The following HMCN2 variants were observed in gnomAD, a reference collection of about 807,000 sequenced individuals.
The protein encoded by HMCN2 is hemicentin-2.
A neutral mutation model predicts 377.5 loss-of-function variants in HMCN2; 325 were observed. The ratio of observed to expected loss-of-function variants is 0.86; its 90% CI spans 0.79 to 0.94. The LOEUF (loss-of-function observed/expected upper bound fraction) is 0.94. Ranked by LOEUF, HMCN2 falls within the 40% of genes least tolerant of loss-of-function variation. The probability of loss-of-function intolerance (pLI) is 0.00; values close to 1 mark genes in which losing one functional copy is unlikely to be tolerated. For synonymous variants in HMCN2, 2,007 were observed against 2,046.8 expected, an observed-to-expected ratio of 0.98 and a Z score of 0.53; for missense variants, 4,543 against 4,725.3, an observed-to-expected ratio of 0.96 and a Z score of 1.13.
chr9:130,376,455 T>A, intron 51 of HMCN2, 61 bp from the exon 52 acceptor site: 1 of 816,212 alleles, frequency 1.2e-6, no homozygotes, highest in Non-Finnish European at 1.5e-6. Flanking sequence ...AGGACCAGGG[T>A]AAGCTCAGGG....
rs538836435 is a variant in HMCN2, at chr9:130,304,622, G to C, written c.1544-108G>C. 2 of 373,368 alleles carry C rather than the reference G, an allele frequency of 5.4e-6. No individual in the cohort carries two copies. The highest frequency in any genetic ancestry group is 1.1e-5 in the Non-Finnish European group (2 of 182,264). 23.1% of individuals were successfully genotyped at this position (373,368 alleles called of 1,614,324 possible). On this transcript the variant is annotated intron_variant, in intron 10 of 97. Coordinates refer to ENST00000683500, the MANE Select transcript of HMCN2 (RefSeq NM_001291815.2). This position sits in a 1 kb window ranked among gnomAD's most constrained non-coding sequence, Gnocchi z 4.3. ...TGACATGTCCTGAATGATCTGGTTC[G>C]GGTGGGCCTGCACCTCAGGGTGGGG...
chr9:130,430,920 A>C (rs1844704727), intron 95 of HMCN2: 1 of 384,016 alleles, frequency 2.6e-6, no homozygotes, highest in African/African-American at 2.0e-5. Context: ...CTTAGCACTC[A>C]GAGGGAAAGC....
chr9:130,433,455 C>CCCGCCTCA lies in HMCN2; in HGVS notation c.15009_15016dup (p.Phe5006SerfsTer89). On this transcript the variant is annotated frameshift_variant, in exon 98 of 98. Coordinates refer to ENST00000683500, the MANE Select transcript of HMCN2 (RefSeq NM_001291815.2). LOFTEE classifies it high-confidence loss of function. ...GGCGTGCGCGCCCACCACGACGTGG[C>CCCGCCTCA]CCGCCTCACCGCCTTCTCCGAGGTC... 1 of 1,499,772 alleles carries CCCGCCTCA rather than the reference C, an allele frequency of 6.7e-7. No individual in the cohort carries two copies. Among genetic ancestry groups the CCCGCCTCA allele is most frequent in the Non-Finnish European group, 8.8e-7 (1 of 1,132,440 alleles). 92.9% of individuals were successfully genotyped at this position (1,499,772 alleles called of 1,614,324 possible). A position where few individuals can be genotyped will look rare whatever the true frequency, so the allele number is the denominator to read the frequency against.
At chr9:130,355,550 A>C (rs1349902583) in intron 32 of HMCN2, among the ~76,000 whole-genome samples, 196 bp from the exon 33 acceptor site, 1 of 152,150 alleles carries the variant, frequency 6.6e-6, no homozygotes, top group Non-Finnish European at 1.5e-5. Context: ...ATTAGGCCCA[A>C]GCCTTTGGGG....
intron 81 of HMCN2, 37 bp from the exon 82 acceptor site, chr9:130,405,918 G>C (rs919508814): frequency 2.4e-6 from 3 of 1,256,942 alleles, no homozygotes; most frequent in African/African-American, 1.5e-5. Context: ...TGCCGAGGTG[G>C]GGCAGTTCTC....
At chr9:130,346,703 C>T (rs1348810263) in intron 25 of HMCN2, among the ~76,000 whole-genome samples, 1 of 151,940 alleles carries the variant, frequency 6.6e-6, no homozygotes, top group African/African-American at 2.4e-5. Flanking sequence ...GCGGTGGCAG[C>T]AGGGAAAAAA....
Position 130,298,453 on chromosome 9 carries a change from G to A in HMCN2, c.1013-572G>A, listed in dbSNP as rs541463321. ...GTGGGAGTATTGCTTGAGCCCAAGA[G>A]TTTGAGGCTGCAGTGAGCTGTGATT... On this transcript the variant is annotated intron_variant, in intron 7 of 97. Transcript: ENST00000683500. Among the ~76,000 whole-genome samples, 30 of 152,312 alleles carry A rather than the reference G, an allele frequency of 2.0e-4. 1 individual carries two copies. The highest frequency in any genetic ancestry group is 6.3e-4 in the African/African-American group (26 of 41,576).
chr9:130,301,965 C>G (rs926899073), intron 8 of HMCN2, among the ~76,000 whole-genome samples: 5 of 152,172 alleles, frequency 3.3e-5, no homozygotes, highest in Non-Finnish European at 7.3e-5. Context: ...GGGCTCATTA[C>G]AAGCTATGAG....
chr9:130,294,546 T>G (rs1554931206), intron 4 of HMCN2, among the ~76,000 whole-genome samples: 3 of 152,132 alleles, frequency 2.0e-5, no homozygotes, highest in Non-Finnish European at 4.4e-5. Flanking sequence ...CAAGAGGGCT[T>G]CCTGGAGGAA....
Position 130,394,585 on chromosome 9 carries a change from C to T in HMCN2, c.10692+10C>T, listed in dbSNP as rs753666574. ...GGTGGAGAATGTGCAGGTACCAGTG[C>T]CGCCGCCATGGGGCGAGGCTGGGGG... is the stretch of plus-strand genomic sequence containing the variant. On this transcript the variant is annotated intron_variant, in intron 69 of 97. Coordinates refer to ENST00000683500, the MANE Select transcript of HMCN2 (RefSeq NM_001291815.2). The surrounding 1 kb of genome is among the most constrained non-coding windows in gnomAD (Gnocchi z 5.1). 6 of 1,277,792 alleles carry T rather than the reference C, an allele frequency of 4.7e-6. No homozygotes were observed. The highest frequency in any genetic ancestry group is 6.1e-6 in the Non-Finnish European group (6 of 981,470). 79.2% of individuals were successfully genotyped at this position (1,277,792 alleles called of 1,614,324 possible).
chr9:130,357,139 T>C (rs1185221158), intron 34 of HMCN2, among the ~76,000 whole-genome samples: 1 of 146,516 alleles, frequency 6.8e-6, no homozygotes, highest in East Asian at 2.0e-4. Context: ...CATGGGTGGA[T>C]AGAAGGGTGG....
rs1474749831 is a variant in HMCN2, at chr9:130,425,833, G to C, written c.13788G>C (p.Leu4596=). 4.5e-6 allele frequency: 7 copies of C among 1,550,482 alleles called. No homozygotes were observed. Among genetic ancestry groups the C allele is most frequent in the Admixed American group, 2.0e-5 (1 of 51,002 alleles). ...YNAARGPQPQ[L]VQHLRASAIS... ...CGGCCCGGGGCCCCCAGCCCCAGCT[G>C]GTGCAGCACCTGCGGGCCTCAGCTA... Residue 4596 remains leucine (L), a synonymous_variant, in exon 90 of 98, where the codon CTG becomes CTC. Transcript: ENST00000683500.
intron 34 of HMCN2, among the ~76,000 whole-genome samples, chr9:130,356,916 G>A (rs1289559791): frequency 1.3e-5 from 2 of 152,078 alleles, no homozygotes; most frequent in South Asian, 2.1e-4. Flanking sequence ...ATGGATGGGT[G>A]GGTGGATGAA....
chr9:130,365,067 G>A (rs568384280), intron 41 of HMCN2, among the ~76,000 whole-genome samples, 178 bp downstream of exon 41: 99 of 152,290 alleles, frequency 6.5e-4, no homozygotes, highest in African/African-American at 2.2e-3. Context: ...GCTGAGTGGC[G>A]CCAGCTGTTG....
chr9:130,431,068 G>A (rs1844716763), intron 95 of HMCN2: 13 of 509,448 alleles, frequency 2.6e-5, no homozygotes, highest in Non-Finnish European at 4.6e-5. Context: ...AAGAGGAGGT[G>A]GCCTGCCCCA....
At chr9:130,323,712 T>C (rs1047576291) in intron 19 of HMCN2, among the ~76,000 whole-genome samples, 221 of 152,194 alleles carry the variant, frequency 1.5e-3, no homozygotes, top group African/African-American at 5.1e-3. Flanking sequence ...TTATTTTACT[T>C]ATTTATTTCT....
chr9:130,278,060 C>CCACGATCAT (rs1241692977), intron 1 of HMCN2, among the ~76,000 whole-genome samples: 10 of 149,520 alleles, frequency 6.7e-5, no homozygotes, highest in Admixed American at 2.0e-4. Context: ...ATTACCACCA[C>CCACGATCAT]CACCACCACC....
chr9:130,298,160 G>A (rs1554932810), intron 7 of HMCN2, among the ~76,000 whole-genome samples: 1 of 152,118 alleles, frequency 6.6e-6, no homozygotes, highest in African/African-American at 2.4e-5. Context: ...TGCCATGTTG[G>A]CCAGTTTGGT....
At chr9:130,386,658 T>G (rs1588367497) in intron 61 of HMCN2, 134 bp downstream of exon 61, 1 of 400,720 alleles carries the variant, frequency 2.5e-6, no homozygotes, top group Non-Finnish European at 4.4e-6. Flanking sequence ...CTAGAATTTG[T>G]GTACCTATCT....
Sources: gnomAD v4.1 joint callset for allele counts (sites outside exome capture counted in the v4.1 genomes callset) on GRCh38, gnomAD v4.1.1 for gene constraint, Gnocchi (gnomAD v3.1) non-coding constraint, MANE v1.5 for transcripts, NCBI Gene and HGNC (gene_info 2026-07-23, HGNC 2026-07-21) for gene names.